The following DAB1 variants were observed in gnomAD, a reference collection of about 807,000 sequenced individuals.
The protein encoded by DAB1 is disabled homolog 1.
A neutral mutation model predicts 64.6 loss-of-function variants in DAB1; 15 were observed. The observed-to-expected ratio is 0.23, with a 90% confidence interval of 0.16 to 0.36. The LOEUF (loss-of-function observed/expected upper bound fraction) is 0.36. Among genes scored for constraint, DAB1 ranks in the 10% least tolerant of loss-of-function variants. The probability of loss-of-function intolerance (pLI) is 1.00; values close to 1 mark genes in which losing one functional copy is unlikely to be tolerated. For missense variants in DAB1, 596 were observed against 706.7 expected (o/e 0.84, Z 1.78); for synonymous variants, 235 against 251.9 (o/e 0.93, Z 0.64).
At chr1:57,043,551 A>T (rs576333010) in intron 9 of DAB1, among the ~76,000 whole-genome samples, 1 of 152,336 alleles carries the variant, frequency 6.6e-6, no homozygotes, top group Admixed American at 6.5e-5. Context: ...TGGTCTTTAA[A>T]AAATATCAGA....
intron 6 of DAB1, among the ~76,000 whole-genome samples, chr1:57,659,025 C>T (rs570106371): frequency 6.6e-6 from 1 of 152,308 alleles, no homozygotes; most frequent in Admixed American, 6.5e-5. Context: ...CAATATGAAA[C>T]ACCCTGTCTG....
chr1:58,438,412 T>C (rs541656257), intron 3 of DAB1, among the ~76,000 whole-genome samples: 424 of 152,260 alleles, frequency 2.8e-3, no homozygotes, highest in Non-Finnish European at 4.5e-3. Flanking sequence ...GTTAGCCATA[T>C]GAAATGGGCT....
intron 6 of DAB1, among the ~76,000 whole-genome samples, chr1:57,670,197 C>G (rs1050457121): frequency 8.5e-5 from 13 of 152,114 alleles, no homozygotes; most frequent in African/African-American, 2.9e-4. Context: ...TGTTACATAT[C>G]TATAATTTTG....
At chr1:57,541,477 G>A (rs573147419) in intron 7 of DAB1, among the ~76,000 whole-genome samples, 2 of 152,136 alleles carry the variant, frequency 1.3e-5, no homozygotes, top group African/African-American at 2.4e-5. Context: ...GGCTCAAAGA[G>A]GTTTAAACAT....
chr1:57,339,186 C>T (rs1427372053), intron 1 of DAB1, among the ~76,000 whole-genome samples: 3 of 148,328 alleles, frequency 2.0e-5, no homozygotes, highest in Admixed American at 1.3e-4. Context: ...GACAGAGTCT[C>T]GCTCTGTCGC....
At chr1:57,034,624 A>G (rs1038488533) in intron 9 of DAB1, among the ~76,000 whole-genome samples, 11 of 152,340 alleles carry the variant, frequency 7.2e-5, no homozygotes, top group African/African-American at 2.6e-4. Context: ...TACACATTAT[A>G]GGTATGTACA....
At chr1:57,861,052 T>G (rs1412002937) in intron 1 of DAB1, 2 of 152,218 alleles carry the variant, frequency 1.3e-5, no homozygotes, top group African/African-American at 4.8e-5. Flanking sequence ...TCGTTCCCAC[T>G]GACTCAGAGA....
At chr1:57,142,607 C>CACAG (rs1557797262) in intron 3 of DAB1, among the ~76,000 whole-genome samples, 1 of 148,882 alleles carries the variant, frequency 6.7e-6, no homozygotes, top group Non-Finnish European at 1.5e-5. Context: ...GTCACACACA[C>CACAG]ACACACACAC....
intron 5 of DAB1, among the ~76,000 whole-genome samples, chr1:58,138,223 G>A (rs1044222755): frequency 3.9e-5 from 6 of 152,078 alleles, no homozygotes; most frequent in African/African-American, 1.4e-4. Flanking sequence ...CACAGAAACT[G>A]AGCTCAGAGA....
intron 1 of DAB1, among the ~76,000 whole-genome samples, chr1:57,879,296 C>T (rs76738724): frequency 0.029 from 4,387 of 152,236 alleles, 96 homozygotes; most frequent in East Asian, 0.13. Flanking sequence ...CCCTAAACAT[C>T]TCCCAAGTAT....
chr1:57,572,587 A>T (rs1645205518), intron 7 of DAB1, among the ~76,000 whole-genome samples: 1 of 152,216 alleles, frequency 6.6e-6, no homozygotes, highest in Admixed American at 6.5e-5. Flanking sequence ...GGATTAAATG[A>T]GTTAATCCAT....
intron 1 of DAB1, among the ~76,000 whole-genome samples, chr1:57,297,696 A>T (rs1467777125): frequency 6.6e-6 from 1 of 152,150 alleles, no homozygotes; most frequent in Non-Finnish European, 1.5e-5. Context: ...AATTAAGAAA[A>T]GGGAAAACAA....
At chr1:58,530,802 T>C in intron 1 of DAB1, 1 of 785,018 alleles carries the variant, frequency 1.3e-6, no homozygotes, top group Non-Finnish European at 2.2e-6. Context: ...TTCTAGTTCA[T>C]CATGTGTTAC....
At chr1:57,973,093 C>A (rs917150164) in intron 5 of DAB1, among the ~76,000 whole-genome samples, 1 of 152,076 alleles carries the variant, frequency 6.6e-6, no homozygotes, top group Non-Finnish European at 1.5e-5. Flanking sequence ...TCCATGCAGA[C>A]CCTAAATGTA....
At chr1:57,813,238 T>G (rs1651710006) in intron 6 of DAB1, among the ~76,000 whole-genome samples, 1 of 152,198 alleles carries the variant, frequency 6.6e-6, no homozygotes, top group South Asian at 2.1e-4. Flanking sequence ...TTCTTTACCT[T>G]GAATAACTAA....
intron 5 of DAB1, among the ~76,000 whole-genome samples, chr1:58,111,911 C>A (rs922134041): frequency 2.0e-5 from 3 of 152,148 alleles, no homozygotes; most frequent in African/African-American, 7.2e-5. Context: ...GCTTAAGATG[C>A]TACAGTAATG....
chr1:58,492,439 G>A (rs1266090150), intron 3 of DAB1, among the ~76,000 whole-genome samples: 1 of 152,086 alleles, frequency 6.6e-6, no homozygotes, highest in Non-Finnish European at 1.5e-5. Context: ...AGGAAATAGA[G>A]ACACAAAAAA....
intron 7 of DAB1, among the ~76,000 whole-genome samples, chr1:57,564,059 A>T (rs1004267646): frequency 6.6e-6 from 1 of 152,188 alleles, no homozygotes; most frequent in Non-Finnish European, 1.5e-5. Flanking sequence ...ACTGACACCC[A>T]CATGGCTGGG....
At chr1:57,814,532 G>A (rs1169657875) in intron 6 of DAB1, among the ~76,000 whole-genome samples, 2 of 152,112 alleles carry the variant, frequency 1.3e-5, no homozygotes, top group African/African-American at 4.8e-5. Flanking sequence ...ACTGCACACA[G>A]GACACTGCAA....
Sources: gnomAD v4.1 joint callset for allele counts (sites outside exome capture counted in the v4.1 genomes callset) on GRCh38, gnomAD v4.1.1 for gene constraint, MANE v1.5 for transcripts, NCBI Gene and HGNC (gene_info 2026-07-23, HGNC 2026-07-21) for gene names.